NAT10: variants seen among roughly 807,000 people sequenced by gnomAD.
NAT10 encodes RNA cytidine acetyltransferase.
In NAT10, 109 loss-of-function variants were observed where a neutral mutation model predicts 132.2. The observed-to-expected ratio is 0.82, with a 90% CI of 0.71 to 0.97. The LOEUF is 0.97. Ranked by LOEUF, NAT10 falls within the 50% of genes least tolerant of loss-of-function variation. The pLI is 0.00. For synonymous variants in NAT10, 479 were observed against 478.0 expected, an observed-to-expected ratio of 1.00 and a Z score of -0.03; for missense variants, 1,184 against 1,263.4, an observed-to-expected ratio of 0.94 and a Z score of 0.95.
intron 27 of NAT10, among the ~76,000 whole-genome samples, chr11:34,142,998 T>C (rs547526975): frequency 6.6e-6 from 1 of 152,296 alleles, no homozygotes; most frequent in African/African-American, 2.4e-5. Flanking sequence ...ATCAAAACCT[T>C]GATTTGCCAG....
intron 16 of NAT10, among the ~76,000 whole-genome samples, chr11:34,133,363 A>C (rs2132968439): frequency 6.6e-6 from 1 of 152,310 alleles, no homozygotes; most frequent in Non-Finnish European, 1.5e-5. Flanking sequence ...GAAAAGCCAG[A>C]ACCGACCGCT....
chr11:34,130,956 C>T lies in NAT10; in HGVS notation c.1369+19C>T, dbSNP rs758625510. 32 of 1,613,000 alleles carry T rather than the reference C, an allele frequency of 2.0e-5. No homozygotes were observed. Among genetic ancestry groups the T allele is most frequent in the African/African-American group, 6.7e-5 (5 of 74,918 alleles). On this transcript the variant is annotated intron_variant, in intron 13 of 28. Transcript: ENST00000257829. The stretch of plus-strand genomic sequence containing the variant: ...GCATCAGGTACCCCAGAACCTGACC[C>T]GGGTCCCGCGGTTCACAGCAAGGCC...
intron 1 of NAT10, chr11:34,106,043 A>G (rs1206655223): frequency 6.6e-6 from 1 of 152,538 alleles, no homozygotes; most frequent in Non-Finnish European, 1.5e-5. Flanking sequence ...ACCTCTAAGT[A>G]GTGCCTGTAA....
chr11:34,140,495 A>G lies in NAT10; in HGVS notation c.2515A>G (p.Met839Val), dbSNP rs149351119. 3.1e-6 allele frequency: 5 copies of G among 1,614,120 alleles called. No homozygotes were observed. Among genetic ancestry groups the G allele is most frequent in the Non-Finnish European group, 4.2e-6 (5 of 1,180,022 alleles). Residue 839 changes from methionine to valine, a missense_variant, in exon 24 of 29, where the codon ATG becomes GTG. Physicochemically the swap from Met to Val is conservative, Grantham distance 21. Coordinates refer to ENST00000257829, the MANE Select transcript of NAT10 (RefSeq NM_024662.3). Reference protein sequence around the residue: ...SRNMVDYHLIMDMIPAISRIY... With the variant: ...SRNMVDYHLIVDMIPAISRIY... The stretch of plus-strand genomic sequence containing the variant: ...GAATATGGTGGACTATCACCTCATC[A>G]TGGACATGATCCCGGCCATCTCTCG...
chr11:34,110,700 A>T (rs1444713259), intron 3 of NAT10, among the ~76,000 whole-genome samples: 1 of 150,272 alleles, frequency 6.7e-6, no homozygotes, highest in Non-Finnish European at 1.5e-5. Context: ...ATTGAGTTGG[A>T]TGTGTTGTTA....
At chr11:34,119,917 A>G (rs77311669) in intron 8 of NAT10, among the ~76,000 whole-genome samples, 2,790 of 152,246 alleles carry the variant, frequency 0.018, 84 homozygotes, top group African/African-American at 0.063. Context: ...TGTGTATTCA[A>G]ATGGGTGTTG....
chr11:34,109,824 A>G (rs759661451), intron 3 of NAT10, among the ~76,000 whole-genome samples: 1 of 152,166 alleles, frequency 6.6e-6, no homozygotes, highest in Non-Finnish European at 1.5e-5. Context: ...ATGCAGACCA[A>G]CTTTCTCACT....
chr11:34,134,435 C>A lies in NAT10; in HGVS notation c.1836+15C>A. 6.2e-7 allele frequency: 1 copy of A among 1,613,962 alleles called. No homozygotes were observed. The highest frequency in any genetic ancestry group is 8.5e-7 in the Non-Finnish European group (1 of 1,179,842). On this transcript the variant is annotated intron_variant, in intron 17 of 28. Coordinates refer to ENST00000257829, the MANE Select transcript of NAT10 (RefSeq NM_024662.3). ...TGTCAGAACAGGTGACGGGCTTTCCCTGGTGTGTCTGAGGGAAGCTGGTGG... is the reference window on the plus strand; with the variant it reads ...TGTCAGAACAGGTGACGGGCTTTCCATGGTGTGTCTGAGGGAAGCTGGTGG...
intron 27 of NAT10, among the ~76,000 whole-genome samples, chr11:34,142,805 C>G (rs943727370): frequency 4.6e-5 from 7 of 152,200 alleles, no homozygotes; most frequent in Non-Finnish European, 1.0e-4. Context: ...GGTGCTGCCT[C>G]TCCCTCCACT....
intron 27 of NAT10, among the ~76,000 whole-genome samples, chr11:34,143,122 T>G (rs180748135): frequency 2.0e-5 from 3 of 152,148 alleles, no homozygotes; most frequent in Admixed American, 6.5e-5. Context: ...ACAGGAAGCT[T>G]CTTTGGTGGA....
rs762407423 is a variant in NAT10 at position 34,134,378 on chromosome 11, G to GA, written c.1796dup (p.Ala600GlyfsTer54). On this transcript the variant is annotated frameshift_variant, in exon 17 of 29. Transcript: ENST00000257829. LOFTEE classifies it high-confidence loss of function. The stretch of plus-strand genomic sequence containing the variant: ...TCTTGAACAGTCTGTCTCGAGGCAA[G>GA]AAGGCTTCAGGGGACCTGATTCCAT... 6 of 1,614,142 alleles carry GA rather than the reference G, an allele frequency of 3.7e-6. No homozygotes were observed. Among genetic ancestry groups the GA allele is most frequent in the Admixed American group, 3.3e-5 (2 of 60,008 alleles).
At chr11:34,132,041 A>T in intron 14 of NAT10, 84 bp from the exon 15 acceptor site, 1 of 994,452 alleles carries the variant, frequency 1.0e-6, no homozygotes, top group Non-Finnish European at 1.6e-6. Flanking sequence ...GTTCCCAGCT[A>T]CGGAAATTTG....
At chr11:34,144,624 AG>A (rs1288317961) in intron 28 of NAT10, among the ~76,000 whole-genome samples, 7 of 152,246 alleles carry the variant, frequency 4.6e-5, no homozygotes, top group African/African-American at 1.7e-4. Flanking sequence ...AAAGGGTCTT[AG>A]GGACCCCAGC....
At chr11:34,126,276 A>G (rs949310702) in intron 11 of NAT10, among the ~76,000 whole-genome samples, 1 of 152,082 alleles carries the variant, frequency 6.6e-6, no homozygotes, top group African/African-American at 2.4e-5. Context: ...GTCCCTCCCC[A>G]TGGGTGACTT....
At position 34,141,155 on chromosome 11, in the gene NAT10, C is replaced by T. The variant is rs758794385; in HGVS notation, c.2659C>T (p.Pro887Ser). The change falls in exon 25 of 29, where the codon CCC (proline) becomes TCC (serine). Residue 887 changes from proline (P) to serine (S), a missense_variant. Pro to Ser is a moderately conservative substitution (Grantham distance 74, BLOSUM62 -1). Transcript: ENST00000257829. Reference protein sequence around the residue: ...VDQLEKEIELPSGQLMGLFNR... With the variant: ...VDQLEKEIELSSGQLMGLFNR... ...CCAGCTGGAAAAGGAGATTGAGCTG[C>T]CCTCGGGCCAGTTGATGGGACTTTT... 5.6e-6 allele frequency: 9 copies of T among 1,613,888 alleles called. No homozygotes were observed. Among genetic ancestry groups the T allele is most frequent in the Non-Finnish European group, 7.6e-6 (9 of 1,180,022 alleles).
chr11:34,130,497 A>G (rs1285616476), intron 12 of NAT10, among the ~76,000 whole-genome samples: 2 of 152,192 alleles, frequency 1.3e-5, no homozygotes, highest in East Asian at 1.9e-4. Context: ...TTAAGTTCAC[A>G]TCACAGTCCT....
At chr11:34,125,169 C>G (rs1260600203) in intron 11 of NAT10, among the ~76,000 whole-genome samples, 2 of 152,146 alleles carry the variant, frequency 1.3e-5, no homozygotes, top group Non-Finnish European at 2.9e-5. Flanking sequence ...TGCCTTTCAC[C>G]TTAATTTTTT....
intron 18 of NAT10, 91 bp downstream of exon 18, chr11:34,134,677 C>A: frequency 8.9e-7 from 1 of 1,117,918 alleles, no homozygotes; most frequent in Non-Finnish European, 1.3e-6. Flanking sequence ...GCTGGTCAAG[C>A]AGAAGCAAGT....
At chr11:34,111,261 G>C (rs1266713599) in intron 3 of NAT10, among the ~76,000 whole-genome samples, 1 of 152,218 alleles carries the variant, frequency 6.6e-6, no homozygotes, top group Admixed American at 6.5e-5. Flanking sequence ...TAAGTCACGG[G>C]CTTAAGGCCT....
Sources: allele counts gnomAD v4.1 joint callset (sites outside exome capture counted in the v4.1 genomes callset), GRCh38; gene constraint gnomAD v4.1.1; transcripts MANE v1.5; gene names NCBI Gene and HGNC (gene_info 2026-07-23, HGNC 2026-07-21).